Variants in TNC observed in about 807,000 individuals in gnomAD.
The protein encoded by TNC is tenascin.
In TNC, 109 loss-of-function variants were observed where a neutral mutation model predicts 202.4. That is an observed-to-expected ratio of 0.54 (90% CI 0.46 to 0.63). The LOEUF is 0.63. TNC is among the 30% of genes least tolerant of loss of function. The pLI, the probability that TNC is intolerant of heterozygous loss-of-function variation, is 0.00. For missense variants in TNC, 2,756 were observed against 2,833.3 expected (o/e 0.97, Z 0.62); for synonymous variants, 1,007 against 1,089.7 (o/e 0.92, Z 1.50).
At chr9:115,092,512 G>T (rs1456101234) in intron 1 of TNC, among the ~76,000 whole-genome samples, 1 of 152,090 alleles carries the variant, frequency 6.6e-6, no homozygotes, top group Non-Finnish European at 1.5e-5. Flanking sequence ...AGTCATTCAT[G>T]GTTTTCTTTA....
chr9:115,026,183 A>AAAAAGGG (rs1205878626), intron 26 of TNC, among the ~76,000 whole-genome samples: 1 of 152,172 alleles, frequency 6.6e-6, no homozygotes, highest in Non-Finnish European at 1.5e-5. Flanking sequence ...GTAAATTGAG[A>AAAAAGGG]AGTGCTGGAT....
chr9:115,065,176 A>C (rs948127868), intron 10 of TNC, among the ~76,000 whole-genome samples: 7 of 152,096 alleles, frequency 4.6e-5, no homozygotes, highest in African/African-American at 1.7e-4. Flanking sequence ...TGGGTGGATC[A>C]TTTGAGGTCA....
At chr9:115,042,792 A>G (rs528176102) in intron 17 of TNC, among the ~76,000 whole-genome samples, 1 of 152,348 alleles carries the variant, frequency 6.6e-6, no homozygotes, top group African/African-American at 2.4e-5. Context: ...AGATGTGATT[A>G]TAGCCATTTT....
At chr9:115,104,933 G>A (rs945230940) in intron 1 of TNC, among the ~76,000 whole-genome samples, 5 of 152,142 alleles carry the variant, frequency 3.3e-5, no homozygotes, top group Non-Finnish European at 5.9e-5. Context: ...TATCCACCAT[G>A]GGTACAGGAG....
At chr9:115,054,845 C>G (rs934445509) in intron 15 of TNC, among the ~76,000 whole-genome samples, 1 of 152,166 alleles carries the variant, frequency 6.6e-6, no homozygotes, top group African/African-American at 2.4e-5. Flanking sequence ...GAAAGAAGAG[C>G]CTGAGACTTT....
chr9:115,093,369 G>C (rs1281672114), intron 1 of TNC, among the ~76,000 whole-genome samples: 1 of 152,140 alleles, frequency 6.6e-6, no homozygotes, highest in African/African-American at 2.4e-5. Context: ...ACCCTCTTTT[G>C]AGCATGCTTT....
intron 22 of TNC, among the ~76,000 whole-genome samples, chr9:115,032,766 A>G (rs1161780330): frequency 6.6e-6 from 1 of 152,224 alleles, no homozygotes; most frequent in Non-Finnish European, 1.5e-5. Flanking sequence ...AGAGATATCC[A>G]TGACAGACAG....
At chr9:115,080,074 A>G (rs1251108112) in intron 6 of TNC, among the ~76,000 whole-genome samples, 1 of 152,248 alleles carries the variant, frequency 6.6e-6, no homozygotes, top group Non-Finnish European at 1.5e-5. Context: ...CAGCCTGGCC[A>G]ACATGGTGAA....
At chr9:115,040,832 G>A (rs1393985642) in intron 19 of TNC, 109 bp downstream of exon 19, 6 of 1,376,712 alleles carry the variant, frequency 4.4e-6, no homozygotes, top group Non-Finnish European at 5.8e-6. Flanking sequence ...TTTTTTTCCA[G>A]CTGCTGAGTC....
intron 10 of TNC, among the ~76,000 whole-genome samples, chr9:115,066,301 A>C (rs1473747401): frequency 1.3e-5 from 2 of 152,232 alleles, no homozygotes; most frequent in Non-Finnish European, 2.9e-5. Flanking sequence ...TTAGGAAGGA[A>C]AGTATTTCTC....
At chr9:115,077,023 G>A (rs565271413) in intron 7 of TNC, among the ~76,000 whole-genome samples, 1 of 152,084 alleles carries the variant, frequency 6.6e-6, no homozygotes, top group Non-Finnish European at 1.5e-5. Flanking sequence ...TCAGCCTCCC[G>A]AGTACCTGGG....
intron 10 of TNC, among the ~76,000 whole-genome samples, chr9:115,069,642 TCCTCCCTCCCTCCCTCCCTCCCTC>T (rs1564467131): frequency 1.5e-3 from 2 of 1,304 alleles, no homozygotes; most frequent in Non-Finnish European, 1.7e-3. Context: ...CTCCCTCCCT[TCCTCCCTCCCTCCCTCCCTCCCTC>T]CCTTCCTCCC....
chr9:115,073,535 C>T (rs576572066), intron 10 of TNC, 68 bp downstream of exon 10: 3 of 1,553,182 alleles, frequency 1.9e-6, no homozygotes, highest in East Asian at 2.3e-5. Flanking sequence ...GTGAGGACAC[C>T]CTGGCTGAGG....
intron 1 of TNC, among the ~76,000 whole-genome samples, chr9:115,117,368 G>A (rs1457462018): frequency 6.6e-6 from 1 of 152,166 alleles, no homozygotes; most frequent in Admixed American, 6.5e-5. Context: ...CCCCAGTAAA[G>A]CTGTTCTCCA....
chr9:115,030,460 C>G, intron 23 of TNC, 55 bp from the exon 24 acceptor site: 1 of 1,543,256 alleles, frequency 6.5e-7, no homozygotes, highest in Non-Finnish European at 8.8e-7. Flanking sequence ...TGAGCTGGAG[C>G]TTAATTCTTA....
chr9:115,057,157 C>G lies in TNC; in HGVS notation c.4575G>C (p.Thr1525=), dbSNP rs17819466. 6.2e-7 allele frequency: 1 copy of G among 1,610,788 alleles called. No homozygotes were observed. Among genetic ancestry groups the G allele is most frequent in the South Asian group, 1.1e-5 (1 of 90,548 alleles). The stretch of plus-strand genomic sequence containing the variant: ...AATGGGAGAATGCACATGTACCTGT[C>G]GTGGCTGTGGCACTGATGGTTTTGG... ...IRTKTISATA[T]TEALPLLENL... is the part of the protein sequence containing the mutation. The change falls in exon 15 of 28, where the codon ACG becomes ACC. Residue 1525 remains threonine, a synonymous_variant. Transcript: ENST00000350763.
intron 23 of TNC, 65 bp downstream of exon 23, chr9:115,031,488 G>A: frequency 1.4e-6 from 2 of 1,400,916 alleles, no homozygotes; most frequent in South Asian, 3.8e-5. Context: ...AGTCAAAGGG[G>A]AAGTCAAGGG....
At chr9:115,106,396 G>A (rs972799025) in intron 1 of TNC, among the ~76,000 whole-genome samples, 1 of 152,140 alleles carries the variant, frequency 6.6e-6, no homozygotes, top group African/African-American at 2.4e-5. Flanking sequence ...TCAAGTTAAA[G>A]AATTAATATT....
Position 115,030,284 on chromosome 9 carries a change from A to G in TNC, c.6042T>C (p.Cys2014=). 1 of 1,613,070 alleles carries G rather than the reference A, an allele frequency of 6.2e-7. No individual in the cohort carries two copies. Among genetic ancestry groups the G allele is most frequent in the Non-Finnish European group, 8.5e-7 (1 of 1,179,232 alleles). The change falls in exon 24 of 28, where the codon TGT becomes TGC. Residue 2014 remains cysteine, a synonymous_variant. Coordinates refer to ENST00000350763, the MANE Select transcript of TNC (RefSeq NM_002160.4). ...GDKAEALEVF[C]DMTSDGGGWI... ...ATCCACCCCCATCAGAGGTCATGTCACAGAAGACTTCCAGCGCCTCAGCCT... is the reference window on the plus strand; with the variant it reads ...ATCCACCCCCATCAGAGGTCATGTCGCAGAAGACTTCCAGCGCCTCAGCCT...
Sources: allele counts gnomAD v4.1 joint callset (sites outside exome capture counted in the v4.1 genomes callset), GRCh38; gene constraint gnomAD v4.1.1; transcripts MANE v1.5; gene names NCBI Gene and HGNC (gene_info 2026-07-23, HGNC 2026-07-21).